The following ANKRD28 variants were observed in gnomAD, a reference collection of about 807,000 sequenced individuals.
The protein encoded by ANKRD28 is serine/threonine-protein phosphatase 6 regulatory ankyrin repeat subunit A.
A neutral mutation model predicts 126.5 loss-of-function variants in ANKRD28; 44 were observed. That is an observed-to-expected ratio of 0.35 (90% CI 0.27 to 0.45). The LOEUF (loss-of-function observed/expected upper bound fraction) is 0.45. ANKRD28 is among the 20% of genes least tolerant of loss of function. ANKRD28 has a pLI of 1.00. For missense variants in ANKRD28, 1,110 were observed against 1,316.6 expected (o/e 0.84, Z 2.43); for synonymous variants, 442 against 468.5 (o/e 0.94, Z 0.73).
intron 1 of ANKRD28, among the ~76,000 whole-genome samples, chr3:15,840,315 C>CA (rs1007423888): frequency 1.3e-5 from 2 of 151,704 alleles, no homozygotes; most frequent in African/African-American, 4.8e-5. Flanking sequence ...AATAAAATAC[C>CA]AGGAATTAAC....
At chr3:15,697,601 C>T (rs1200341396) in intron 14 of ANKRD28, among the ~76,000 whole-genome samples, 9 of 151,822 alleles carry the variant, frequency 5.9e-5, no homozygotes, top group Non-Finnish European at 1.0e-4. Context: ...GGGATGAAGC[C>T]GAGTTGATTG....
chr3:15,730,687 C>T (rs2074518959), intron 6 of ANKRD28, among the ~76,000 whole-genome samples: 1 of 152,060 alleles, frequency 6.6e-6, no homozygotes, highest in Non-Finnish European at 1.5e-5. Flanking sequence ...AGCTATATGT[C>T]GATATTCATC....
At chr3:15,749,101 G>GTT (rs869266246) in intron 4 of ANKRD28, among the ~76,000 whole-genome samples, 13 of 53,032 alleles carry the variant, frequency 2.5e-4, no homozygotes, top group Non-Finnish European at 3.8e-4. Context: ...TTATGTTTTT[G>GTT]TTTTTTTTTT....
chr3:15,783,421 G>C (rs749457092), intron 2 of ANKRD28, among the ~76,000 whole-genome samples: 2 of 151,932 alleles, frequency 1.3e-5, no homozygotes, highest in Non-Finnish European at 2.9e-5. Context: ...TATCCTGCTG[G>C]TGAGAACGTA....
chr3:15,793,697 C>T (rs1312174849), intron 2 of ANKRD28, among the ~76,000 whole-genome samples: 2 of 152,010 alleles, frequency 1.3e-5, no homozygotes, highest in Non-Finnish European at 2.9e-5. Flanking sequence ...GCGTCTATAC[C>T]CCTTGAGCTA....
At chr3:15,730,794 A>C (rs74443540) in intron 6 of ANKRD28, among the ~76,000 whole-genome samples, 16,007 of 152,266 alleles carry the variant, frequency 0.11, 1,070 homozygotes, top group East Asian at 0.2. Flanking sequence ...GCTATATGGT[A>C]CTATGGTTTA....
chr3:15,856,096 C>T (rs1171483102), intron 1 of ANKRD28, among the ~76,000 whole-genome samples: 1 of 152,090 alleles, frequency 6.6e-6, no homozygotes. Context: ...AAAACCAAAG[C>T]ATTAATTGTT....
intron 3 of ANKRD28, among the ~76,000 whole-genome samples, chr3:15,762,317 A>G (rs1438691189): frequency 6.6e-6 from 1 of 151,622 alleles, no homozygotes; most frequent in Admixed American, 6.6e-5. Flanking sequence ...CAACTTTCGT[A>G]AGTTAAATAC....
At chr3:15,710,036 G>GTTT (rs34686530) in intron 12 of ANKRD28, among the ~76,000 whole-genome samples, 6 of 146,320 alleles carry the variant, frequency 4.1e-5, no homozygotes, top group African/African-American at 5.0e-5. Flanking sequence ...TTGCTTATAG[G>GTTT]TTTTTTTTTT....
rs552745794 is a variant in ANKRD28, at chr3:15,830,895, T to C, written c.27+28482A>G. 6.6e-6 allele frequency among the ~76,000 whole-genome samples: 1 copy of C among 152,290 alleles called. No individual in the cohort carries two copies. The highest frequency in any genetic ancestry group is 1.5e-5 in the Non-Finnish European group (1 of 68,030). On this transcript the variant is annotated intron_variant, in intron 1 of 27. Coordinates refer to the ANKRD28 transcript ENST00000399451. The surrounding 1 kb of genome is among the most constrained non-coding windows in gnomAD (Gnocchi z 4.5). The stretch of plus-strand genomic sequence containing the variant: ...CCACAGGTGTGGTCAACCATACCTA[T>C]GTGACTGACTTCTCAATAAAAACTC...
intron 8 of ANKRD28, among the ~76,000 whole-genome samples, chr3:15,716,336 G>T (rs902595014): frequency 1.1e-4 from 17 of 150,726 alleles, no homozygotes; most frequent in Middle Eastern, 3.4e-3. Flanking sequence ...CTGTCAGCCA[G>T]GCTGGAATGC....
At chr3:15,676,372 A>C (rs2066934905) in intron 26 of ANKRD28, 1 of 169,948 alleles carries the variant, frequency 5.9e-6, no homozygotes, top group South Asian at 1.9e-4. Context: ...CTGCAGTAGC[A>C]TAAATTCTAA....
chr3:15,696,149 A>T lies in ANKRD28; in HGVS notation c.1644T>A (p.Arg548=). Residue 548 remains arginine (R), a synonymous_variant, in exon 15 of 28, where the codon CGT becomes CGA. Transcript: ENST00000683139. ...AVHYSAAYGH[R]LCLQLIASET... ...GGAATCTTACCAGCTGAAGACATAGACGGTGACCATAAGCAGCTGAATAAT... is the reference window on the plus strand; with the variant it reads ...GGAATCTTACCAGCTGAAGACATAGTCGGTGACCATAAGCAGCTGAATAAT... 2 of 1,581,982 alleles carry T rather than the reference A, an allele frequency of 1.3e-6. No individual in the cohort carries two copies. The highest frequency in any genetic ancestry group is 1.7e-6 in the Non-Finnish European group (2 of 1,160,154).
Position 15,816,734 on chromosome 3 carries a change from G to A in ANKRD28, c.28-21428C>T, listed in dbSNP as rs577906057. On this transcript the variant is annotated intron_variant, in intron 1 of 27. Transcript: ENST00000399451. This position sits in a 1 kb window ranked among gnomAD's most constrained non-coding sequence, Gnocchi z 5.0. ...ATAAAATTATCAAAGTATGTCAATC[G>A]TCTCAATTTATATATAGAAGTTATT... Among the ~76,000 whole-genome samples the A allele has an allele frequency of 1.4e-4, 22 of 152,214 alleles. No individual in the cohort carries two copies. The highest frequency in any genetic ancestry group is 2.4e-4 in the Non-Finnish European group (16 of 68,006).
intron 1 of ANKRD28, among the ~76,000 whole-genome samples, chr3:15,837,055 G>A (rs1171825934): frequency 2.2e-4 from 31 of 143,540 alleles, no homozygotes; most frequent in South Asian, 8.8e-4. Context: ...AGCCGAGGTC[G>A]CACCACTGCA....
chr3:15,762,492 T>C (rs1393515113), intron 3 of ANKRD28, among the ~76,000 whole-genome samples: 1 of 152,292 alleles, frequency 6.6e-6, no homozygotes, highest in East Asian at 1.9e-4. Context: ...TTAAAACATA[T>C]AAATACACTT....
rs764186168 is a variant in ANKRD28 at position 15,677,566 on chromosome 3, G to A, written c.2708-4C>T. On this transcript the variant is annotated splice_polypyrimidine_tract_variant and splice_region_variant and intron_variant, in intron 24 of 27. Coordinates refer to ENST00000683139, the MANE Select transcript of ANKRD28 (RefSeq NM_001349278.2). ...CTAGCACTGCTAACCAGCATCTCTG[G>A]GAGGAAAAAGTGCATCAATTCTTAT... 11 of 1,603,782 alleles carry A rather than the reference G, an allele frequency of 6.9e-6. No homozygotes were observed. The East Asian group carries it at 2.5e-4, about 36-fold the overall frequency.
At position 15,826,865 on chromosome 3, in the gene ANKRD28, A is replaced by G. The variant is rs187114146; in HGVS notation, c.28-31559T>C. ...GCCATGAAAGTGCAAGGGAGAGATC[A>G]ATATTACATATACATACAAATTAGG... On this transcript the variant is annotated intron_variant, in intron 1 of 27. Coordinates refer to the ANKRD28 transcript ENST00000399451. Among the ~76,000 whole-genome samples, 7 of 152,326 alleles carry G rather than the reference A, an allele frequency of 4.6e-5. No individual in the cohort carries two copies. The East Asian group carries it at 7.7e-4, about 17-fold the overall frequency.
At position 15,839,011 on chromosome 3, in the gene ANKRD28, T is replaced by C. The variant is rs1439662007; in HGVS notation, c.27+20366A>G. Among the ~76,000 whole-genome samples the C allele has an allele frequency of 2.6e-5, 4 of 152,146 alleles. No homozygotes were observed. The highest frequency in any genetic ancestry group is 5.9e-5 in the Non-Finnish European group (4 of 68,012). On this transcript the variant is annotated intron_variant, in intron 1 of 27. Transcript: ENST00000399451. This position sits in a 1 kb window ranked among gnomAD's most constrained non-coding sequence, Gnocchi z 4.3. ...AAATTTTTAAAAGCCAGACAAAAAA[T>C]GATCACGTATCATATGACTCCACTT...
Sources: allele counts gnomAD v4.1 joint callset (sites outside exome capture counted in the v4.1 genomes callset), GRCh38; gene constraint gnomAD v4.1.1; non-coding constraint Gnocchi (gnomAD v3.1); transcripts MANE v1.5; gene names NCBI Gene and HGNC (gene_info 2026-07-23, HGNC 2026-07-21).